The following FARS2 variants were observed in gnomAD, a reference collection of about 807,000 sequenced individuals.
The protein encoded by FARS2 is phenylalanyl-tRNA synthetase 2, mitochondrial, also known as phenylalanine--tRNA ligase, mitochondrial.
FARS2 carries 40 observed loss-of-function variants against 46.4 expected under a neutral mutation model. The observed-to-expected ratio is 0.86, with a 90% CI of 0.67 to 1.12. The LOEUF is 1.12. Ranked by LOEUF, FARS2 falls within the 50% of genes most tolerant of loss-of-function variation. The probability of loss-of-function intolerance (pLI) is 0.00; values close to 1 mark genes in which losing one functional copy is unlikely to be tolerated. For synonymous variants in FARS2, 234 were observed against 214.9 expected (o/e 1.09, Z -0.78); for missense variants, 513 against 567.9 (o/e 0.90, Z 0.98).
intron 3 of FARS2, among the ~76,000 whole-genome samples, chr6:5,418,528 C>A (rs1319471353): frequency 2.0e-5 from 3 of 152,182 alleles, no homozygotes; most frequent in Non-Finnish European, 4.4e-5. Context: ...TGGCACTATT[C>A]CTGGTCCTGT....
chr6:5,710,203 A>G (rs1181199163), intron 6 of FARS2, among the ~76,000 whole-genome samples: 1 of 152,130 alleles, frequency 6.6e-6, no homozygotes, highest in Non-Finnish European at 1.5e-5. Flanking sequence ...CTCATATGTG[A>G]TAGAGACAGA....
intron 4 of FARS2, among the ~76,000 whole-genome samples, chr6:5,506,349 G>A (rs927790536): frequency 6.6e-6 from 1 of 152,184 alleles, no homozygotes. Context: ...AGAAAACAAG[G>A]CCAGCAGAAT....
intron 1 of FARS2, among the ~76,000 whole-genome samples, chr6:5,261,880 A>G (rs904248448): frequency 6.6e-6 from 1 of 152,248 alleles, no homozygotes; most frequent in Non-Finnish European, 1.5e-5. Context: ...TTTCTCCAAG[A>G]AGCGGAGCAA....
chr6:5,681,987 A>G (rs1779055670), intron 6 of FARS2, among the ~76,000 whole-genome samples: 1 of 152,260 alleles, frequency 6.6e-6, no homozygotes, highest in Non-Finnish European at 1.5e-5. Flanking sequence ...ACAGACCAGC[A>G]TGCCATTTTA....
intron 4 of FARS2, among the ~76,000 whole-genome samples, chr6:5,461,295 C>T (rs1006172789): frequency 1.3e-5 from 2 of 152,158 alleles, no homozygotes; most frequent in Non-Finnish European, 2.9e-5. Context: ...CCACCTTGGC[C>T]TCCCAAAGTG....
intron 5 of FARS2, among the ~76,000 whole-genome samples, chr6:5,597,863 T>C (rs1774287647): frequency 6.6e-6 from 1 of 152,156 alleles, no homozygotes; most frequent in South Asian, 2.1e-4. Context: ...ATGACTAACA[T>C]TGATATCCTT....
chr6:5,336,230 CAGAA>C (rs1479258928), intron 1 of FARS2, among the ~76,000 whole-genome samples: 1 of 149,870 alleles, frequency 6.7e-6, no homozygotes, highest in African/African-American at 2.5e-5. Context: ...TTGGTAAAAA[CAGAA>C]AGGAGAAAAA....
At chr6:5,316,018 G>A (rs761656127) in intron 1 of FARS2, among the ~76,000 whole-genome samples, 4 of 152,210 alleles carry the variant, frequency 2.6e-5, no homozygotes, top group Non-Finnish European at 5.9e-5. Context: ...GAGGTATGCC[G>A]ATGCTGATCC....
intron 6 of FARS2, among the ~76,000 whole-genome samples, chr6:5,735,740 T>G (rs1760902196): frequency 6.6e-6 from 1 of 152,214 alleles, no homozygotes; most frequent in Non-Finnish European, 1.5e-5. Flanking sequence ...AGCGGTAATG[T>G]TCTAACCCTT....
At chr6:5,691,697 C>A (rs528650716) in intron 6 of FARS2, among the ~76,000 whole-genome samples, 3,487 of 152,288 alleles carry the variant, frequency 0.023, 148 homozygotes, top group African/African-American at 0.08. Context: ...GCTGGGAGAA[C>A]CACTGCTCTC....
intron 4 of FARS2, among the ~76,000 whole-genome samples, chr6:5,521,678 A>G (rs1769147156): frequency 6.6e-6 from 1 of 152,218 alleles, no homozygotes. Context: ...AAGACTGTAT[A>G]TGATTGTCAG....
At chr6:5,517,893 T>G (rs1348506684) in intron 4 of FARS2, among the ~76,000 whole-genome samples, 1 of 152,192 alleles carries the variant, frequency 6.6e-6, no homozygotes, top group African/African-American at 2.4e-5. Context: ...AAATATAATG[T>G]AAGTCCCCGC....
intron 6 of FARS2, among the ~76,000 whole-genome samples, chr6:5,631,784 C>T (rs913492095): frequency 4.6e-5 from 7 of 152,332 alleles, no homozygotes; most frequent in Admixed American, 3.3e-4. Flanking sequence ...ACTTAAGTTT[C>T]ATGCTTCTTG....
intron 4 of FARS2, among the ~76,000 whole-genome samples, chr6:5,470,798 C>T (rs958537117): frequency 6.6e-6 from 1 of 152,122 alleles, no homozygotes; most frequent in African/African-American, 2.4e-5. Flanking sequence ...CAATGAGATC[C>T]TATAAGTATC....
intron 4 of FARS2, among the ~76,000 whole-genome samples, chr6:5,454,875 G>A (rs1229218624): frequency 6.6e-6 from 1 of 152,192 alleles, no homozygotes; most frequent in African/African-American, 2.4e-5. Context: ...TGCTGGGACT[G>A]CCTGGGCACA....
intron 6 of FARS2, among the ~76,000 whole-genome samples, chr6:5,763,790 A>G (rs1646152539): frequency 1.4e-5 from 2 of 143,202 alleles, no homozygotes; most frequent in Non-Finnish European, 1.5e-5. Flanking sequence ...TTTTTTTAAC[A>G]TAGAGAAGGT....
intron 6 of FARS2, among the ~76,000 whole-genome samples, chr6:5,677,371 G>A (rs979584410): frequency 1.3e-5 from 2 of 152,148 alleles, no homozygotes; most frequent in African/African-American, 4.8e-5. Context: ...CTCTGGCAAG[G>A]TACAAATGCT....
intron 3 of FARS2, among the ~76,000 whole-genome samples, chr6:5,426,918 GTC>G (rs1762888144): frequency 6.6e-6 from 1 of 152,182 alleles, no homozygotes. Flanking sequence ...GAGCCACTGT[GTC>G]CAGCCCTCAA....
rs528350721 is a variant in FARS2, at chr6:5,431,584, C to T, written c.904+412C>T. The stretch of plus-strand genomic sequence containing the variant: ...TGCACTTAGTATAGTGTCCCAAATT[C>T]AGCAAGTATTTTATAAATACACTAA... On this transcript the variant is annotated intron_variant, in intron 4 of 6. Transcript: ENST00000274680. 6.9e-4 allele frequency: 348 copies of T among 505,086 alleles called. 3 individuals are homozygous for T. Among genetic ancestry groups the T allele is most frequent in the South Asian group, 2.9e-3 (197 of 67,246 alleles). The allele number at this position is 505,086 out of a possible 1,614,324, so 31.3% of individuals were successfully genotyped here.
Sources: gnomAD v4.1 joint callset for allele counts (sites outside exome capture counted in the v4.1 genomes callset) on GRCh38, gnomAD v4.1.1 for gene constraint, MANE v1.5 for transcripts, NCBI Gene and HGNC (gene_info 2026-07-23, HGNC 2026-07-21) for gene names.